PTK2: variants seen among roughly 807,000 people sequenced by gnomAD.
PTK2 encodes the protein protein tyrosine kinase 2, also known as focal adhesion kinase 1.
In PTK2, 45 loss-of-function variants were observed where a neutral mutation model predicts 150.1. The observed-to-expected ratio is 0.30, with a 90% CI of 0.24 to 0.38. The LOEUF (loss-of-function observed/expected upper bound fraction) is 0.38, where lower values mean the gene tolerates loss of function less well. Among genes scored for constraint, PTK2 ranks in the 10% least tolerant of loss-of-function variants. PTK2 has a pLI of 1.00. For missense variants in PTK2, 919 were observed against 1,307.3 expected (o/e 0.70, Z 4.58); for synonymous variants, 432 against 449.2 (o/e 0.96, Z 0.48).
chr8:140,694,179 T>A (rs2100025012), intron 26 of PTK2, among the ~76,000 whole-genome samples: 1 of 151,828 alleles, frequency 6.6e-6, no homozygotes, highest in African/African-American at 2.4e-5. Context: ...TAGCTGGGAC[T>A]ACAGGCACCT....
chr8:140,780,473 G>A (rs7824365), intron 14 of PTK2, among the ~76,000 whole-genome samples: 41 of 151,986 alleles, frequency 2.7e-4, no homozygotes, highest in Non-Finnish European at 1.0e-4. Context: ...GGAAATAAAC[G>A]GGCCAGAAAA....
chr8:140,772,211 A>C (rs2100075898), intron 14 of PTK2, among the ~76,000 whole-genome samples: 2 of 152,202 alleles, frequency 1.3e-5, no homozygotes, highest in South Asian at 4.1e-4. Flanking sequence ...CTGGTCTCTC[A>C]GTTAAGAAGA....
chr8:140,838,364 C>T (rs1423849773), intron 7 of PTK2, among the ~76,000 whole-genome samples: 1 of 152,190 alleles, frequency 6.6e-6, no homozygotes, highest in Non-Finnish European at 1.5e-5. Flanking sequence ...CTGGGGTTCC[C>T]AGTTGCTCCT....
intron 12 of PTK2, among the ~76,000 whole-genome samples, chr8:140,795,421 A>T (rs2100090950): frequency 6.6e-6 from 1 of 152,044 alleles, no homozygotes; most frequent in African/African-American, 2.4e-5. Flanking sequence ...CCAGCCTTCA[A>T]TAGGGAATAG....
intron 3 of PTK2, among the ~76,000 whole-genome samples, chr8:140,881,557 T>C (rs1462426384): frequency 6.6e-6 from 1 of 152,232 alleles, no homozygotes; most frequent in African/African-American, 2.4e-5. Flanking sequence ...GGCTCTCTCT[T>C]GTTAGAGCTG....
At chr8:140,898,663 G>A (rs940377769) in intron 2 of PTK2, among the ~76,000 whole-genome samples, 1 of 151,864 alleles carries the variant, frequency 6.6e-6, no homozygotes, top group East Asian at 1.9e-4. Context: ...TACAAAAAAG[G>A]GAAAAAAATG....
chr8:140,696,374 AG>A (rs1284397612), intron 26 of PTK2, among the ~76,000 whole-genome samples: 1 of 152,140 alleles, frequency 6.6e-6, no homozygotes, highest in African/African-American at 2.4e-5. Context: ...GTGAGAGTGC[AG>A]GGGGTTGGGG....
chr8:140,913,471 T>G (rs1455206870), intron 2 of PTK2, among the ~76,000 whole-genome samples: 1 of 152,058 alleles, frequency 6.6e-6, no homozygotes, highest in African/African-American at 2.4e-5. Flanking sequence ...AATTTTTGTA[T>G]TTTTAGTAAA....
intron 22 of PTK2, among the ~76,000 whole-genome samples, chr8:140,719,007 C>A (rs532031948): frequency 5.3e-5 from 8 of 152,208 alleles, no homozygotes; most frequent in African/African-American, 1.7e-4. Flanking sequence ...GAAACCCCAC[C>A]TCTACTAAAA....
intron 1 of PTK2, chr8:140,927,507 C>G (rs1205173260): frequency 6.6e-6 from 1 of 152,138 alleles, no homozygotes; most frequent in Non-Finnish European, 1.5e-5. Context: ...TAATACTGGC[C>G]TGGGGGTCTG....
At chr8:140,727,732 T>A (rs1212235311) in intron 22 of PTK2, among the ~76,000 whole-genome samples, 2 of 152,122 alleles carry the variant, frequency 1.3e-5, no homozygotes, top group Non-Finnish European at 2.9e-5. Context: ...AAAATTCATA[T>A]CTCTATAATA....
At chr8:140,915,846 G>A (rs2100165029) in intron 2 of PTK2, among the ~76,000 whole-genome samples, 1 of 152,098 alleles carries the variant, frequency 6.6e-6, no homozygotes, top group Non-Finnish European at 1.5e-5. Flanking sequence ...AGGTTGCAGG[G>A]AGCCAAGATC....
chr8:140,977,248 G>C (rs2100189598), intron 1 of PTK2, among the ~76,000 whole-genome samples: 4 of 152,074 alleles, frequency 2.6e-5, no homozygotes, highest in Admixed American at 2.6e-4. Context: ...AAATTAGCCA[G>C]GTGTGGTAAT....
At chr8:140,988,925 T>C (rs1199522151) in intron 1 of PTK2, among the ~76,000 whole-genome samples, 1 of 151,962 alleles carries the variant, frequency 6.6e-6, no homozygotes, top group Non-Finnish European at 1.5e-5. Context: ...CCAAGTGAAT[T>C]ATACAGTTAA....
chr8:140,687,904 C>T (rs1037165260), intron 26 of PTK2, among the ~76,000 whole-genome samples: 4 of 152,148 alleles, frequency 2.6e-5, no homozygotes, highest in African/African-American at 7.2e-5. Flanking sequence ...TCCCCCTTTC[C>T]TTCCCTCCCA....
intron 14 of PTK2, among the ~76,000 whole-genome samples, chr8:140,781,938 C>G (rs533930750): frequency 5.3e-5 from 8 of 152,214 alleles, no homozygotes; most frequent in Admixed American, 5.2e-4. Context: ...GGAGGGCTAT[C>G]GGAAAGAAGG....
chr8:140,921,149 C>A (rs2100167251), intron 2 of PTK2: 1 of 1,236,360 alleles, frequency 8.1e-7, no homozygotes, highest in Non-Finnish European at 1.0e-6. Context: ...CACAGACCAT[C>A]CTGGCTAGAT....
intron 7 of PTK2, 148 bp from the exon 8 acceptor site, chr8:140,830,674 C>G (rs940419916): frequency 1.1e-5 from 6 of 523,754 alleles, no homozygotes; most frequent in Non-Finnish European, 2.0e-5. Flanking sequence ...TTTAATTTAC[C>G]AGTATATTCA....
chr8:140,840,186 C>T (rs1057070707), intron 7 of PTK2, among the ~76,000 whole-genome samples: 8 of 152,136 alleles, frequency 5.3e-5, no homozygotes, highest in African/African-American at 1.9e-4. Context: ...AGCCTCCCGA[C>T]TAGGTGAGAC....
Sources: gnomAD v4.1 joint callset for allele counts (sites outside exome capture counted in the v4.1 genomes callset) on GRCh38, gnomAD v4.1.1 for gene constraint, MANE v1.5 for transcripts, NCBI Gene and HGNC (gene_info 2026-07-23, HGNC 2026-07-21) for gene names.